The following KCNH1 variants were observed in gnomAD, a reference collection of about 807,000 sequenced individuals.
The protein encoded by KCNH1 is potassium voltage-gated channel subfamily H member 1.
A neutral mutation model predicts 69.2 loss-of-function variants in KCNH1; 27 were observed. That is an observed-to-expected ratio of 0.39 (90% CI 0.29 to 0.54). The LOEUF (loss-of-function observed/expected upper bound fraction) is 0.54, where lower values mean the gene tolerates loss of function less well. Ranked by LOEUF, KCNH1 falls within the 20% of genes least tolerant of loss-of-function variation. KCNH1 has a pLI of 0.68. For synonymous variants in KCNH1, 456 were observed against 487.7 expected (o/e 0.93, Z 0.86); for missense variants, 798 against 1,261.6 (o/e 0.63, Z 5.57).
rs539730907 is a variant in KCNH1, at chr1:210,759,866, C to T, written c.2112+15482G>A. 5.9e-5 allele frequency among the ~76,000 whole-genome samples: 9 copies of T among 152,278 alleles called. No homozygotes were observed. In the East Asian group the frequency reaches 1.5e-3, roughly 26 times the overall value. On this transcript the variant is annotated intron_variant, in intron 10 of 10. Transcript: ENST00000271751. ...GATACTATACAACAGGGGCTCCCAA[C>T]CCCTGGAGCCATGACTGGTACCAGT...
At chr1:210,971,423 T>C (rs144687652) in intron 6 of KCNH1, among the ~76,000 whole-genome samples, 34 of 152,318 alleles carry the variant, frequency 2.2e-4, no homozygotes, top group African/African-American at 7.7e-4. Flanking sequence ...AGCTGGTTGC[T>C]AAACACAGTC....
At chr1:210,833,335 G>A (rs184660243) in intron 7 of KCNH1, among the ~76,000 whole-genome samples, 1 of 152,228 alleles carries the variant, frequency 6.6e-6, no homozygotes, top group Non-Finnish European at 1.5e-5. Context: ...TCAAAACAGA[G>A]ATATGGATCA....
chr1:210,748,427 C>A (rs564859093), intron 10 of KCNH1, among the ~76,000 whole-genome samples: 2 of 152,242 alleles, frequency 1.3e-5, no homozygotes, highest in East Asian at 1.9e-4. Context: ...AACCATAATC[C>A]CTCTCCTCGA....
chr1:210,728,789 G>T (rs1175797764), intron 10 of KCNH1, among the ~76,000 whole-genome samples: 1 of 152,236 alleles, frequency 6.6e-6, no homozygotes, highest in Admixed American at 6.5e-5. Context: ...TCTATATTTT[G>T]ATGGCTTTGC....
chr1:210,896,553 A>G (rs1034747134), intron 7 of KCNH1, among the ~76,000 whole-genome samples: 2 of 152,228 alleles, frequency 1.3e-5, no homozygotes, highest in Admixed American at 1.3e-4. Context: ...GAATAAGTAC[A>G]GAGTCCTGGC....
chr1:210,785,867 C>A (rs1235146778), intron 9 of KCNH1, among the ~76,000 whole-genome samples: 1 of 152,090 alleles, frequency 6.6e-6, no homozygotes, highest in East Asian at 1.9e-4. Flanking sequence ...ATGGAGCAGA[C>A]CCGCATAGGA....
At chr1:210,917,233 A>G (rs765968453) in intron 7 of KCNH1, among the ~76,000 whole-genome samples, 83 of 98,776 alleles carry the variant, frequency 8.4e-4, no homozygotes, top group African/African-American at 2.2e-3. Flanking sequence ...GAGAGAGAGA[A>G]AGAAAGAAAG....
chr1:211,107,288 T>C lies in KCNH1; in HGVS notation c.169A>G (p.Arg57Gly). The change falls in exon 2 of 11, where the codon AGG becomes GGG. Residue 57 changes from arginine (R) to glycine (G), a missense_variant. This residue lies in a region of KCNH1 where 266 missense variants were observed against 457.2 expected (regional missense o/e 0.58). Transcript: ENST00000271751. ...CTGCTTTTTTGCATCACTTCTGCCC[T>C]GTGATAGCCAGACAGCTTGCAAAAT... The part of the protein sequence containing the change: ...DGFCKLSGYH[R>G]AEVMQKSSTC... 6.2e-7 allele frequency: 1 copy of C among 1,613,840 alleles called. No homozygotes were observed. Among genetic ancestry groups the C allele is most frequent in the East Asian group, 2.2e-5 (1 of 44,870 alleles).
chr1:210,844,733 A>G (rs1685499584), intron 7 of KCNH1, among the ~76,000 whole-genome samples: 1 of 152,232 alleles, frequency 6.6e-6, no homozygotes, highest in Admixed American at 6.5e-5. Context: ...AGATCAGAGC[A>G]GAACTGAAGG....
At chr1:211,019,466 T>A (rs1246591417) in intron 5 of KCNH1, among the ~76,000 whole-genome samples, 1 of 152,252 alleles carries the variant, frequency 6.6e-6, no homozygotes, top group Non-Finnish European at 1.5e-5. Context: ...TATTTGGCTG[T>A]GAGCCAAGTG....
chr1:211,037,752 A>G (rs1423191927), intron 5 of KCNH1, among the ~76,000 whole-genome samples: 1 of 152,002 alleles, frequency 6.6e-6, no homozygotes, highest in Non-Finnish European at 1.5e-5. Context: ...GGAGAGCAAG[A>G]CCATACCTTG....
rs753467639 is a variant in KCNH1 at position 211,133,805 on chromosome 1, G to A, written c.79+62C>T. The A allele has an allele frequency of 4.1e-6, 6 of 1,462,860 alleles. No individual in the cohort carries two copies. Among genetic ancestry groups the A allele is most frequent in the Non-Finnish European group, 5.7e-6 (6 of 1,049,482 alleles). The allele number at this position is 1,462,860 out of a possible 1,614,324, so 90.6% of individuals were successfully genotyped here. ...CATCTGCTGGCTCCGAGCGGCGAGA[G>A]GTTCTGCAATAAAGGCACGGATAAA... On this transcript the variant is annotated intron_variant, in intron 1 of 10. Coordinates refer to ENST00000271751, the MANE Select transcript of KCNH1 (RefSeq NM_172362.3). This position sits in a 1 kb window ranked among gnomAD's most constrained non-coding sequence, Gnocchi z 5.4.
chr1:210,726,683 G>A (rs1010710986), intron 10 of KCNH1, among the ~76,000 whole-genome samples: 1 of 152,156 alleles, frequency 6.6e-6, no homozygotes, highest in African/African-American at 2.4e-5. Flanking sequence ...TAAGCAGAGG[G>A]ATTTAATAAA....
In KCNH1 at chr1:210,989,123, A is replaced by G. The variant is rs184297360; in HGVS notation, c.1032+29660T>C. 2.6e-4 allele frequency among the ~76,000 whole-genome samples: 39 copies of G among 152,304 alleles called. No homozygotes were observed. In the East Asian group the frequency reaches 6.2e-3, roughly 24 times the overall value. On this transcript the variant is annotated intron_variant, in intron 6 of 10. Transcript: ENST00000271751. ...CTTCATACCCTCTGTAAGTACCTCC[A>G]TGTTCATGGGCTGGCCCACAAGTGG...
chr1:210,715,763 G>A (rs1682217227), intron 10 of KCNH1, among the ~76,000 whole-genome samples: 1 of 152,128 alleles, frequency 6.6e-6, no homozygotes, highest in Non-Finnish European at 1.5e-5. Flanking sequence ...GACCTTCTGT[G>A]GGGCCTGGAA....
intron 6 of KCNH1, among the ~76,000 whole-genome samples, chr1:210,942,997 T>C (rs1000892986): frequency 3.3e-5 from 5 of 152,264 alleles, no homozygotes; most frequent in Admixed American, 3.3e-4. Flanking sequence ...CAAATAAAAA[T>C]AATTTTAAAG....
chr1:211,074,595 T>A (rs13374341), intron 5 of KCNH1, among the ~76,000 whole-genome samples: 1 of 152,204 alleles, frequency 6.6e-6, no homozygotes, highest in African/African-American at 2.4e-5. Flanking sequence ...AGAGGTGAAC[T>A]GTAATAATTC....
intron 7 of KCNH1, among the ~76,000 whole-genome samples, chr1:210,829,399 G>T (rs1685111452): frequency 1.3e-5 from 2 of 152,092 alleles, no homozygotes; most frequent in African/African-American, 4.8e-5. Flanking sequence ...ATTGCGGCCA[G>T]GCTGGCTGCC....
chr1:210,847,527 C>A (rs1685583908), intron 7 of KCNH1, among the ~76,000 whole-genome samples: 1 of 143,970 alleles, frequency 6.9e-6, no homozygotes. Context: ...GGGAACTGAA[C>A]AATGAGAACA....
Sources: allele counts gnomAD v4.1 joint callset (sites outside exome capture counted in the v4.1 genomes callset), GRCh38; gene constraint gnomAD v4.1.1; regional missense constraint gnomAD v4.1.1; non-coding constraint Gnocchi (gnomAD v3.1); transcripts MANE v1.5; gene names NCBI Gene and HGNC (gene_info 2026-07-23, HGNC 2026-07-21).